PRIM1: variants seen among roughly 807,000 people sequenced by gnomAD.
The protein encoded by PRIM1 is DNA primase small subunit.
Under a neutral mutation model 60.2 loss-of-function variants are expected in PRIM1, and 38 were observed. That is an observed-to-expected ratio of 0.63 (90% CI 0.49 to 0.83). PRIM1 has a LOEUF of 0.83. Among genes scored for constraint, PRIM1 ranks in the 40% least tolerant of loss-of-function variants. The pLI is 0.00. For synonymous variants in PRIM1, 158 were observed against 160.2 expected (o/e 0.99, Z 0.10); for missense variants, 388 against 506.2 (o/e 0.77, Z 2.24).
At chr12:56,746,580 G>A (rs888089342) in intron 4 of PRIM1, among the ~76,000 whole-genome samples, 12 of 149,278 alleles carry the variant, frequency 8.0e-5, no homozygotes, top group African/African-American at 1.7e-4. Flanking sequence ...GCAGTGAGCC[G>A]ACATTGTACC....
chr12:56,738,069 A>C (rs1205514051), intron 11 of PRIM1, among the ~76,000 whole-genome samples: 1 of 152,238 alleles, frequency 6.6e-6, no homozygotes, highest in Non-Finnish European at 1.5e-5. Flanking sequence ...AACAGTTTAG[A>C]CATATGTTTA....
At chr12:56,740,062 G>A (rs1953860105) in intron 9 of PRIM1, among the ~76,000 whole-genome samples, 1 of 151,870 alleles carries the variant, frequency 6.6e-6, no homozygotes, top group Non-Finnish European at 1.5e-5. Flanking sequence ...CTTGAACCTG[G>A]AAGGCAGAGG....
At chr12:56,744,717 T>C (rs1953894856) in intron 5 of PRIM1, among the ~76,000 whole-genome samples, 1 of 151,700 alleles carries the variant, frequency 6.6e-6, no homozygotes, top group African/African-American at 2.4e-5. Flanking sequence ...TGGGTCTGTG[T>C]AAGTATACTC....
At chr12:56,742,233 A>G (rs1461897201) in intron 7 of PRIM1, 1 of 233,392 alleles carries the variant, frequency 4.3e-6, no homozygotes, top group Non-Finnish European at 8.5e-6. Flanking sequence ...AGCCTGGGCA[A>G]CAGAGTGAGA....
intron 11 of PRIM1, among the ~76,000 whole-genome samples, chr12:56,737,564 G>A (rs966010391): frequency 6.6e-6 from 1 of 151,784 alleles, no homozygotes; most frequent in Non-Finnish European, 1.5e-5. Flanking sequence ...GGTCAGGCCG[G>A]TCTCGAACTC....
chr12:56,749,403 G>A (rs762350262), intron 2 of PRIM1, among the ~76,000 whole-genome samples: 16 of 152,136 alleles, frequency 1.1e-4, no homozygotes, highest in Admixed American at 9.2e-4. Flanking sequence ...AACACAAAAA[G>A]TAAATAAAGG....
chr12:56,742,348 C>G (rs1198353333), intron 7 of PRIM1, among the ~76,000 whole-genome samples: 1 of 151,812 alleles, frequency 6.6e-6, no homozygotes, highest in Non-Finnish European at 1.5e-5. Flanking sequence ...TTTTGGGAGG[C>G]TGAGGTGGGT....
chr12:56,750,677 C>A (rs1296887845), intron 2 of PRIM1, among the ~76,000 whole-genome samples: 2 of 151,642 alleles, frequency 1.3e-5, no homozygotes, highest in Non-Finnish European at 2.9e-5. Context: ...GCAACCTCCA[C>A]CTCCCGGGTT....
rs1357715082 is a variant in PRIM1, at chr12:56,752,224, C to A, written c.75G>T (p.Gln25His). Residue 25 changes from glutamine to histidine, a missense_variant, in exon 1 of 13, where the codon CAG (glutamine) becomes CAT (histidine). Gln to His is a conservative substitution (Grantham distance 24). Coordinates refer to ENST00000338193, the MANE Select transcript of PRIM1 (RefSeq NM_000946.3). ...CACCGTAGTTGAGCCAGCGATAGTACTGAGAGTAGGGAAAGAGCCTCCGGT... is the reference window on the plus strand; with the variant it reads ...CACCGTAGTTGAGCCAGCGATAGTAATGAGAGTAGGGAAAGAGCCTCCGGT... ...LYYRRLFPYS[Q>H]YYRWLNYGGV... 4 of 1,602,844 alleles carry A rather than the reference C, an allele frequency of 2.5e-6. No homozygotes were observed. In the Admixed American group the frequency reaches 6.8e-5, roughly 27 times the overall value.
chr12:56,741,981 G>A (rs1953875701), intron 7 of PRIM1, 144 bp from the exon 8 acceptor site: 2 of 832,640 alleles, frequency 2.4e-6, no homozygotes, highest in Non-Finnish European at 3.9e-6. Flanking sequence ...GACTGGGCGT[G>A]GTGGCTCATG....
At chr12:56,735,666 T>C (rs1196376881) in intron 11 of PRIM1, among the ~76,000 whole-genome samples, 3 of 151,942 alleles carry the variant, frequency 2.0e-5, no homozygotes, top group Non-Finnish European at 4.4e-5. Flanking sequence ...TTTTTTTTTT[T>C]TTGAGATGGA....
intron 5 of PRIM1, 25 bp downstream of exon 5, chr12:56,746,020 C>A (rs1200059808): frequency 1.9e-6 from 3 of 1,578,582 alleles, no homozygotes; most frequent in Admixed American, 2.0e-5. Flanking sequence ...TAAAGCAATG[C>A]AAATTAGAAT....
chr12:56,749,385 C>T (rs1022826196), intron 2 of PRIM1, among the ~76,000 whole-genome samples: 4 of 152,020 alleles, frequency 2.6e-5, no homozygotes, highest in Admixed American at 1.3e-4. Flanking sequence ...ACAAAAATCA[C>T]AAAACAAAAC....
intron 2 of PRIM1, 48 bp from the exon 3 acceptor site, chr12:56,747,080 C>T (rs989139798): frequency 7.0e-7 from 1 of 1,430,946 alleles, no homozygotes; most frequent in East Asian, 2.3e-5. Context: ...TGCCACACTG[C>T]TAAATCTGCT....
intron 9 of PRIM1, 109 bp from the exon 10 acceptor site, chr12:56,739,472 G>T: frequency 1.6e-6 from 1 of 609,002 alleles, no homozygotes; most frequent in Non-Finnish European, 2.7e-6. Context: ...TAGACAAAGG[G>T]TTAAACTTAT....
chr12:56,734,278 A>G, intron 11 of PRIM1, 33 bp from the exon 12 acceptor site: 1 of 1,325,714 alleles, frequency 7.5e-7, no homozygotes, highest in Non-Finnish European at 1.1e-6. Context: ...TATAATTAGC[A>G]TACTGGCAGC....
intron 2 of PRIM1, among the ~76,000 whole-genome samples, chr12:56,750,692 C>T (rs542238164): frequency 6.6e-6 from 1 of 151,344 alleles, no homozygotes; most frequent in African/African-American, 2.4e-5. Context: ...CGGGTTCAAG[C>T]GATTCTCCTG....
chr12:56,751,986 T>C (rs941976232), intron 1 of PRIM1, among the ~76,000 whole-genome samples: 1 of 149,870 alleles, frequency 6.7e-6, no homozygotes, highest in African/African-American at 2.5e-5. Context: ...TTTTTTTTTT[T>C]TTTTTTACAG....
intron 10 of PRIM1, among the ~76,000 whole-genome samples, chr12:56,738,892 C>T (rs1369103453): frequency 1.3e-5 from 2 of 152,136 alleles, no homozygotes; most frequent in African/African-American, 2.4e-5. Flanking sequence ...TCAGCATTAT[C>T]CAGTGTATAA....
Sources: allele counts gnomAD v4.1 joint callset (sites outside exome capture counted in the v4.1 genomes callset), GRCh38; gene constraint gnomAD v4.1.1; transcripts MANE v1.5; gene names NCBI Gene and HGNC (gene_info 2026-07-23, HGNC 2026-07-21).